The following GRIA3 variants were observed in gnomAD, a reference collection of about 807,000 sequenced individuals.
GRIA3 encodes the protein glutamate ionotropic receptor AMPA type subunit 3.
Under a neutral mutation model 63.0 loss-of-function variants are expected in GRIA3, and 3 were observed. That is an observed-to-expected ratio of 0.05 (90% CI 0.02 to 0.12). The LOEUF (loss-of-function observed/expected upper bound fraction) is 0.12, where lower values mean the gene tolerates loss of function less well. GRIA3 is among the 10% of genes least tolerant of loss of function. The probability of loss-of-function intolerance (pLI) is 1.00; values close to 1 mark genes in which losing one functional copy is unlikely to be tolerated. For synonymous variants in GRIA3, 274 were observed against 257.9 expected, an observed-to-expected ratio of 1.06 and a Z score of -0.60; for missense variants, 347 against 700.9, an observed-to-expected ratio of 0.50 and a Z score of 5.70.
chrX:123,475,697 T>C (rs966927909), intron 13 of GRIA3, among the ~76,000 whole-genome samples: 6 of 112,167 alleles, frequency 5.3e-5, no homozygotes, highest in African/African-American at 1.9e-4. Flanking sequence ...CTGTGAAACA[T>C]TACACTGGAG....
chrX:123,361,633 T>C (rs1197978462), intron 5 of GRIA3, among the ~76,000 whole-genome samples: 1 of 111,753 alleles, frequency 8.9e-6, no homozygotes, highest in Non-Finnish European at 1.9e-5. Context: ...AGTTGCGAAC[T>C]CTGAGACTCC....
intron 5 of GRIA3, among the ~76,000 whole-genome samples, chrX:123,382,193 T>C (rs763786171): frequency 1.6e-3 from 177 of 112,094 alleles, no homozygotes; most frequent in African/African-American, 5.5e-3. Flanking sequence ...TTCTTTCTTT[T>C]TTCACCTCAC....
At chrX:123,384,518 G>A (rs1419601985) in intron 5 of GRIA3, among the ~76,000 whole-genome samples, 1 of 111,689 alleles carries the variant, frequency 9.0e-6, no homozygotes, top group Non-Finnish European at 1.9e-5. Context: ...CCAGCTACTT[G>A]GGTGGCTAAG....
chrX:123,355,317 G>A (rs903469438), intron 5 of GRIA3, among the ~76,000 whole-genome samples: 2 of 112,281 alleles, frequency 1.8e-5, no homozygotes, highest in Admixed American at 1.9e-4. Flanking sequence ...TCAAGTATAT[G>A]TGCAGATCAG....
At chrX:123,219,888 T>A (rs779253754) in intron 2 of GRIA3, among the ~76,000 whole-genome samples, 2 of 112,679 alleles carry the variant, frequency 1.8e-5, no homozygotes, top group Non-Finnish European at 3.8e-5. Context: ...ACTGTAATAG[T>A]GACACTGAGG....
intron 3 of GRIA3, among the ~76,000 whole-genome samples, chrX:123,263,578 A>G (rs2044471986): frequency 8.9e-6 from 1 of 112,068 alleles, no homozygotes; most frequent in South Asian, 3.8e-4. Context: ...GCAGGCAGGC[A>G]GTGCTTGGCT....
intron 3 of GRIA3, among the ~76,000 whole-genome samples, chrX:123,297,432 G>A: frequency 8.9e-6 from 1 of 112,307 alleles, no homozygotes; most frequent in South Asian, 3.6e-4. Context: ...TCATAGGGAA[G>A]ATCAGGTAGA....
chrX:123,432,903 G>C (rs2045625934), intron 12 of GRIA3, among the ~76,000 whole-genome samples: 1 of 111,499 alleles, frequency 9.0e-6, no homozygotes, highest in South Asian at 3.8e-4. Context: ...ACACAGGGGG[G>C]AAAAATGCCA....
chrX:123,322,710 T>TC (rs1388778733), intron 3 of GRIA3, among the ~76,000 whole-genome samples: 1 of 111,355 alleles, frequency 9.0e-6, no homozygotes, highest in African/African-American at 3.3e-5. Flanking sequence ...AGGTGACCAT[T>TC]CCCCCCAGGG....
At chrX:123,401,091 C>T (rs16997349) in intron 7 of GRIA3, among the ~76,000 whole-genome samples, 3,651 of 111,622 alleles carry the variant, frequency 0.033, 118 homozygotes, top group African/African-American at 0.11. Context: ...CTAAGTCTTG[C>T]ACAGGATGCT....
intron 3 of GRIA3, among the ~76,000 whole-genome samples, chrX:123,271,487 G>A (rs987257648): frequency 7.2e-5 from 8 of 111,666 alleles, no homozygotes; most frequent in Non-Finnish European, 1.1e-4. Context: ...ACTAAAGCCC[G>A]TTTCCTAACA....
At chrX:123,473,523 G>C (rs747217646) in intron 13 of GRIA3, among the ~76,000 whole-genome samples, 1 of 111,769 alleles carries the variant, frequency 8.9e-6, no homozygotes, top group East Asian at 2.8e-4. Context: ...GGCTTTTCCA[G>C]AGAATGCTAG....
intron 12 of GRIA3, among the ~76,000 whole-genome samples, chrX:123,436,967 G>A (rs773423761): frequency 2.7e-5 from 3 of 110,364 alleles, no homozygotes; most frequent in Non-Finnish European, 5.7e-5. Context: ...AAACTTGACC[G>A]TAAGGATCAA....
chrX:123,479,267 C>T (rs2045900927), intron 13 of GRIA3, among the ~76,000 whole-genome samples: 2 of 112,413 alleles, frequency 1.8e-5, no homozygotes, highest in Non-Finnish European at 3.8e-5. Flanking sequence ...ATCTGGTTTG[C>T]CCTCTGGTGA....
chrX:123,214,026 A>T (rs773755498), intron 2 of GRIA3, among the ~76,000 whole-genome samples: 1 of 111,979 alleles, frequency 8.9e-6, no homozygotes, highest in East Asian at 2.8e-4. Flanking sequence ...ATTGTTAAAA[A>T]TTGCAGTTCC....
At chrX:123,438,450 CT>C (rs1273913636) in intron 12 of GRIA3, among the ~76,000 whole-genome samples, 1 of 112,443 alleles carries the variant, frequency 8.9e-6, no homozygotes, top group Admixed American at 9.4e-5. Context: ...GTTCAAATCC[CT>C]GCTTTCAATT....
At chrX:123,486,599 G>C (rs2045943238) in intron 15 of GRIA3, among the ~76,000 whole-genome samples, 2 of 112,385 alleles carry the variant, frequency 1.8e-5, no homozygotes, top group Admixed American at 1.9e-4. Flanking sequence ...AAAGCAAGCT[G>C]CTTTGAAACC....
At chrX:123,228,705 C>T (rs2044261080) in intron 2 of GRIA3, among the ~76,000 whole-genome samples, 1 of 111,475 alleles carries the variant, frequency 9.0e-6, no homozygotes, top group South Asian at 3.8e-4. Context: ...AAATCATTCA[C>T]TCTCATCCCT....
intron 3 of GRIA3, among the ~76,000 whole-genome samples, chrX:123,308,620 A>G (rs2044769952): frequency 8.9e-6 from 1 of 111,777 alleles, no homozygotes; most frequent in Non-Finnish European, 1.9e-5. Flanking sequence ...GGTGTGACAA[A>G]TGTGAACCTT....
Sources: allele counts gnomAD v4.1 joint callset (sites outside exome capture counted in the v4.1 genomes callset), GRCh38; gene constraint gnomAD v4.1.1; transcripts MANE v1.5; gene names NCBI Gene and HGNC (gene_info 2026-07-23, HGNC 2026-07-21).